Variants in STX8 observed in about 807,000 individuals in gnomAD.
The protein encoded by STX8 is syntaxin-8.
A neutral mutation model predicts 37.5 loss-of-function variants in STX8; 23 were observed. The ratio of observed to expected loss-of-function variants is 0.61; its 90% CI spans 0.44 to 0.87. The LOEUF is 0.87. Ranked by LOEUF, STX8 falls within the 40% of genes least tolerant of loss-of-function variation. The pLI, the probability that STX8 is intolerant of heterozygous loss-of-function variation, is 0.00. For synonymous variants in STX8, 115 were observed against 99.1 expected (o/e 1.16, Z -0.95); for missense variants, 313 against 284.7 (o/e 1.10, Z -0.71).
intron 7 of STX8, among the ~76,000 whole-genome samples, chr17:9,289,740 A>G (rs546046618): frequency 3.3e-5 from 5 of 152,154 alleles, no homozygotes; most frequent in South Asian, 4.2e-4. Flanking sequence ...GGATCGCGCC[A>G]CTGCAGTCCA....
chr17:9,375,136 C>T (rs571544028), intron 7 of STX8, among the ~76,000 whole-genome samples: 1 of 149,158 alleles, frequency 6.7e-6, no homozygotes, highest in Non-Finnish European at 1.5e-5. Flanking sequence ...TACTGATGAA[C>T]TTCTCCCTTT....
chr17:9,519,488 T>A (rs1048569300), intron 4 of STX8, among the ~76,000 whole-genome samples: 5 of 152,218 alleles, frequency 3.3e-5, no homozygotes, highest in African/African-American at 7.2e-5. Context: ...CAGACACCCA[T>A]CACCTCTCAT....
intron 6 of STX8, among the ~76,000 whole-genome samples, chr17:9,412,403 C>A (rs911699151): frequency 1.3e-5 from 2 of 152,006 alleles, no homozygotes; most frequent in Non-Finnish European, 2.9e-5. Flanking sequence ...CCTCAGCCTC[C>A]CGAGTAGCTG....
intron 7 of STX8, among the ~76,000 whole-genome samples, chr17:9,332,010 T>C (rs917362268): frequency 4.6e-5 from 7 of 152,198 alleles, no homozygotes; most frequent in African/African-American, 1.7e-4. Flanking sequence ...CGGGCAATGA[T>C]TCCGAGTCTG....
At chr17:9,250,753 T>C in intron 7 of STX8, 108 bp from the exon 8 acceptor site, 1 of 1,201,316 alleles carries the variant, frequency 8.3e-7, no homozygotes, top group South Asian at 1.3e-5. Flanking sequence ...CCTCTGAGCC[T>C]TCAGTTTGTA....
chr17:9,476,696 G>A (rs930317045), intron 6 of STX8, among the ~76,000 whole-genome samples: 26 of 151,792 alleles, frequency 1.7e-4, no homozygotes, highest in South Asian at 4.2e-4. Flanking sequence ...CAGGTGACCC[G>A]CCTGCCTCGG....
At chr17:9,414,530 T>C (rs1913110098) in intron 6 of STX8, among the ~76,000 whole-genome samples, 1 of 152,168 alleles carries the variant, frequency 6.6e-6, no homozygotes, top group South Asian at 2.1e-4. Context: ...GGACAGGCAC[T>C]TGTCTCATAA....
intron 7 of STX8, among the ~76,000 whole-genome samples, chr17:9,353,702 T>A (rs1910785687): frequency 6.6e-6 from 1 of 152,192 alleles, no homozygotes; most frequent in Non-Finnish European, 1.5e-5. Flanking sequence ...TGCAATTCAA[T>A]GTCCTTAAAA....
chr17:9,316,996 C>A (rs758073571), intron 7 of STX8, among the ~76,000 whole-genome samples: 1 of 152,106 alleles, frequency 6.6e-6, no homozygotes, highest in African/African-American at 2.4e-5. Flanking sequence ...AAAAGACAGT[C>A]GGTTCTTTTT....
At chr17:9,366,465 C>T (rs1008738435) in intron 7 of STX8, among the ~76,000 whole-genome samples, 2 of 152,138 alleles carry the variant, frequency 1.3e-5, no homozygotes, top group South Asian at 2.1e-4. Context: ...CTCCTGACCT[C>T]GTGATCTGCC....
chr17:9,357,098 G>A (rs1910908661), intron 7 of STX8, among the ~76,000 whole-genome samples: 3 of 150,870 alleles, frequency 2.0e-5, no homozygotes, highest in African/African-American at 7.3e-5. Context: ...CTCCTGAGTA[G>A]CTGGGATTAC....
chr17:9,261,196 G>A (rs751118828), intron 7 of STX8, among the ~76,000 whole-genome samples: 3 of 152,188 alleles, frequency 2.0e-5, no homozygotes, highest in Non-Finnish European at 4.4e-5. Context: ...CAGCAGTCAC[G>A]GCCACAGGAC....
At chr17:9,543,508 T>C (rs751300884) in intron 4 of STX8, among the ~76,000 whole-genome samples, 8 of 152,198 alleles carry the variant, frequency 5.3e-5, no homozygotes, top group Non-Finnish European at 1.2e-4. Context: ...TTTCACCTTG[T>C]TGCCCAGGCT....
Position 9,295,066 on chromosome 17 carries a change from C to T in STX8, c.644-44421G>A, listed in dbSNP as rs142164303. 3.0e-3 allele frequency among the ~76,000 whole-genome samples: 462 copies of T among 152,316 alleles called. 2 individuals carry two copies. The highest frequency in any genetic ancestry group is 6.8e-3 in the Middle Eastern group (2 of 294). On this transcript the variant is annotated intron_variant, in intron 7 of 7. Coordinates refer to ENST00000306357, the MANE Select transcript of STX8 (RefSeq NM_004853.3). ...TAAACTTCTGTTGGCTAAGCAACCC[C>T]GCCTGGTATTTTGTTATGGCAGCTT... is the stretch of plus-strand genomic sequence containing the variant.
chr17:9,455,478 C>T (rs965472877), intron 6 of STX8, among the ~76,000 whole-genome samples: 12 of 151,654 alleles, frequency 7.9e-5, no homozygotes, highest in South Asian at 6.3e-4. Flanking sequence ...CCAGCCTGGG[C>T]GACAGAGCGA....
At chr17:9,425,632 G>C (rs1913599108) in intron 6 of STX8, among the ~76,000 whole-genome samples, 1 of 152,150 alleles carries the variant, frequency 6.6e-6, no homozygotes, top group African/African-American at 2.4e-5. Flanking sequence ...AATCCATCAT[G>C]ATCAAAATTT....
At chr17:9,387,184 A>G (rs893627016) in intron 6 of STX8, among the ~76,000 whole-genome samples, 2 of 152,232 alleles carry the variant, frequency 1.3e-5, no homozygotes, top group Non-Finnish European at 2.9e-5. Flanking sequence ...TGCTCTGGGC[A>G]TAGTATTCTT....
At chr17:9,398,918 G>A (rs1912502857) in intron 6 of STX8, among the ~76,000 whole-genome samples, 1 of 151,952 alleles carries the variant, frequency 6.6e-6, no homozygotes, top group African/African-American at 2.4e-5. Context: ...TCATGCTGGT[G>A]TGCACCTGTA....
rs1017759898 is a variant in STX8, at chr17:9,427,139, T to C, written c.542-48486A>G. On this transcript the variant is annotated intron_variant, in intron 6 of 7. Transcript: ENST00000306357. ...TTGCAAAGAGAATGAATTCCAAAAG[T>C]GTATTCGTGGCTTAGTTGTTCAGAA... is the stretch of plus-strand genomic sequence containing the variant. Among the ~76,000 whole-genome samples the C allele has an allele frequency of 2.6e-5, 4 of 152,298 alleles. 1 individual carries two copies. In the East Asian group the frequency reaches 7.7e-4, roughly 29 times the overall value.
Sources: gnomAD v4.1 joint callset for allele counts (sites outside exome capture counted in the v4.1 genomes callset) on GRCh38, gnomAD v4.1.1 for gene constraint, MANE v1.5 for transcripts, NCBI Gene and HGNC (gene_info 2026-07-23, HGNC 2026-07-21) for gene names.